Variants in TMEM178B observed in about 807,000 individuals in gnomAD.
TMEM178B encodes the protein transmembrane protein 178B.
Under a neutral mutation model 31.0 loss-of-function variants are expected in TMEM178B, and 5 were observed. That is an observed-to-expected ratio of 0.16 (90% CI 0.08 to 0.34). TMEM178B has a LOEUF of 0.34. Among genes scored for constraint, TMEM178B ranks in the 10% least tolerant of loss-of-function variants. TMEM178B has a pLI of 1.00. For missense variants in TMEM178B, 275 were observed against 400.3 expected, an observed-to-expected ratio of 0.69 and a Z score of 2.67; for synonymous variants, 164 against 164.0, an observed-to-expected ratio of 1.00 and a Z score of 0.00.
intron 1 of TMEM178B, among the ~76,000 whole-genome samples, chr7:141,112,993 G>T (rs1795259129): frequency 6.6e-6 from 1 of 152,160 alleles, no homozygotes; most frequent in Non-Finnish European, 1.5e-5. Context: ...AGACCACTGG[G>T]TATCAGCAAA....
intron 1 of TMEM178B, among the ~76,000 whole-genome samples, chr7:141,126,391 C>T (rs146236151): frequency 2.6e-5 from 4 of 152,332 alleles, no homozygotes; most frequent in East Asian, 1.9e-4. Context: ...TAAGCCTTGA[C>T]GCTGTAGATC....
At chr7:141,228,619 G>A (rs10488009) in intron 2 of TMEM178B, among the ~76,000 whole-genome samples, 6,856 of 152,276 alleles carry the variant, frequency 0.045, 227 homozygotes, top group East Asian at 0.14. Flanking sequence ...CATATCGGCT[G>A]TCAGGATCTC....
At chr7:141,464,054 A>G (rs1285513867) in intron 3 of TMEM178B, among the ~76,000 whole-genome samples, 1 of 152,158 alleles carries the variant, frequency 6.6e-6, no homozygotes, top group Non-Finnish European at 1.5e-5. Context: ...GAAATGATGG[A>G]AGCATGACTC....
chr7:141,232,151 T>G (rs1797458442), intron 2 of TMEM178B, among the ~76,000 whole-genome samples: 1 of 152,262 alleles, frequency 6.6e-6, no homozygotes, highest in Non-Finnish European at 1.5e-5. Context: ...CTTTCCATTT[T>G]ATGGCTGCAT....
rs1189671549 is a variant in TMEM178B at position 141,263,863 on chromosome 7, GTAC to G, written c.496+51160_496+51162del. On this transcript the variant is annotated intron_variant, in intron 2 of 3. Coordinates refer to ENST00000565468, the MANE Select transcript of TMEM178B (RefSeq NM_001195278.2). ...AGTTCTGTAGAAGGATGCATAGAAT[GTAC>G]CAAAAGTGTTTATTACATGGTACAG... is the stretch of plus-strand genomic sequence containing the variant. Among the ~76,000 whole-genome samples, 3 of 152,188 alleles carry G rather than the reference GTAC, an allele frequency of 2.0e-5. No individual in the cohort carries two copies. In the South Asian group the frequency reaches 6.2e-4, roughly 32 times the overall value.
intron 2 of TMEM178B, among the ~76,000 whole-genome samples, chr7:141,317,240 T>C (rs1396929595): frequency 6.6e-6 from 1 of 152,174 alleles, no homozygotes; most frequent in Non-Finnish European, 1.5e-5. Context: ...ACAGCTGTTT[T>C]TGGAGATGCC....
chr7:141,197,324 G>A (rs1239018578), intron 1 of TMEM178B, among the ~76,000 whole-genome samples: 1 of 152,204 alleles, frequency 6.6e-6, no homozygotes, highest in African/African-American at 2.4e-5. Flanking sequence ...GATTCTTAAA[G>A]CCAGGATTAG....
chr7:141,079,201 C>T (rs577345098), intron 1 of TMEM178B, among the ~76,000 whole-genome samples: 55 of 152,202 alleles, frequency 3.6e-4, no homozygotes, highest in Admixed American at 5.9e-4. Context: ...GCAGGAGAAT[C>T]GCTTGAACCT....
chr7:141,125,680 GA>G (rs774508037), intron 1 of TMEM178B, among the ~76,000 whole-genome samples: 3,447 of 78,678 alleles, frequency 0.044, 112 homozygotes, highest in African/African-American at 0.13. Flanking sequence ...ACTCCATCTC[GA>G]AAAAAAAAAA....
chr7:141,470,449 A>C, intron 3 of TMEM178B, 87 bp from the exon 4 acceptor site: 2 of 1,325,644 alleles, frequency 1.5e-6, no homozygotes, highest in Non-Finnish European at 2.0e-6. Context: ...AAAATGTAAT[A>C]ATATTAACTT....
At chr7:141,362,544 A>G (rs1242530156) in intron 2 of TMEM178B, among the ~76,000 whole-genome samples, 1 of 152,136 alleles carries the variant, frequency 6.6e-6, no homozygotes, top group Non-Finnish European at 1.5e-5. Flanking sequence ...TGGTCAGACA[A>G]TTAATATATC....
At chr7:141,211,155 T>G (rs1350744005) in intron 1 of TMEM178B, among the ~76,000 whole-genome samples, 1 of 150,748 alleles carries the variant, frequency 6.6e-6, no homozygotes, top group East Asian at 1.9e-4. Context: ...GAGGAGGAGG[T>G]GTGCTTAGGG....
intron 3 of TMEM178B, among the ~76,000 whole-genome samples, chr7:141,438,974 G>A (rs1801607065): frequency 6.6e-6 from 1 of 152,094 alleles, no homozygotes; most frequent in Non-Finnish European, 1.5e-5. Context: ...TTAGGCACCT[G>A]TAGCAAACAC....
intron 1 of TMEM178B, among the ~76,000 whole-genome samples, chr7:141,134,675 A>G (rs1248323052): frequency 6.6e-6 from 1 of 152,260 alleles, no homozygotes; most frequent in African/African-American, 2.4e-5. Flanking sequence ...TCACCTATCA[A>G]TAATAACTTT....
chr7:141,083,873 A>G (rs1269554165), intron 1 of TMEM178B, among the ~76,000 whole-genome samples: 1 of 101,396 alleles, frequency 9.9e-6, no homozygotes, highest in Non-Finnish European at 1.9e-5. Context: ...CTCTTCATTC[A>G]TTCAGCAGAA....
chr7:141,157,442 C>T (rs530300837), intron 1 of TMEM178B, among the ~76,000 whole-genome samples: 233 of 151,874 alleles, frequency 1.5e-3, no homozygotes, highest in South Asian at 4.8e-3. Flanking sequence ...CACACACACA[C>T]GCACACACAC....
intron 3 of TMEM178B, among the ~76,000 whole-genome samples, chr7:141,451,124 G>A (rs1801854794): frequency 6.6e-6 from 1 of 152,196 alleles, no homozygotes; most frequent in South Asian, 2.1e-4. Context: ...AAGGCAAAAT[G>A]GAGCCACTTC....
At chr7:141,258,508 G>GA (rs1797964240) in intron 2 of TMEM178B, among the ~76,000 whole-genome samples, 1 of 152,112 alleles carries the variant, frequency 6.6e-6, no homozygotes. Context: ...GGGCAGAAAA[G>GA]AAAAAATATT....
downstream of TMEM178B, among the ~76,000 whole-genome samples, chr7:141,483,773 T>C (rs192596211): frequency 5.0e-3 from 759 of 151,400 alleles, 10 homozygotes; most frequent in African/African-American, 0.017. Flanking sequence ...TCTCACTCTG[T>C]CGCCCAGGCT....
Sources: gnomAD v4.1 joint callset for allele counts (sites outside exome capture counted in the v4.1 genomes callset) on GRCh38, gnomAD v4.1.1 for gene constraint, MANE v1.5 for transcripts, NCBI Gene and HGNC (gene_info 2026-07-23, HGNC 2026-07-21) for gene names.